Variants in FERMT2 observed in about 807,000 individuals in gnomAD.
The protein encoded by FERMT2 is FERM domain containing kindlin 2.
Under a neutral mutation model 82.7 loss-of-function variants are expected in FERMT2, and 15 were observed. The ratio of observed to expected loss-of-function variants is 0.18; its 90% CI spans 0.12 to 0.28. The LOEUF is 0.28. FERMT2 is among the 10% of genes least tolerant of loss of function. The pLI, the probability that FERMT2 is intolerant of heterozygous loss-of-function variation, is 1.00. For synonymous variants in FERMT2, 274 were observed against 271.5 expected, an observed-to-expected ratio of 1.01 and a Z score of -0.09; for missense variants, 645 against 809.4, an observed-to-expected ratio of 0.80 and a Z score of 2.46.
chr14:52,892,590 G>C (rs772554612), intron 4 of FERMT2, among the ~76,000 whole-genome samples: 5 of 151,828 alleles, frequency 3.3e-5, no homozygotes, highest in Non-Finnish European at 7.4e-5. Context: ...AAGTAGATGG[G>C]ACTACAGGCA....
chr14:52,902,342 G>A (rs866379258), intron 3 of FERMT2, among the ~76,000 whole-genome samples: 6 of 151,440 alleles, frequency 4.0e-5, no homozygotes, highest in African/African-American at 9.7e-5. Context: ...GCAGTGAGCC[G>A]AGATTGCACC....
At chr14:52,921,249 C>T (rs1372896258) in intron 2 of FERMT2, among the ~76,000 whole-genome samples, 3 of 152,158 alleles carry the variant, frequency 2.0e-5, no homozygotes, top group African/African-American at 7.2e-5. Flanking sequence ...AAAAGACTTT[C>T]AATTCTCCAG....
chr14:52,866,136 G>C (rs4901304), intron 10 of FERMT2, among the ~76,000 whole-genome samples: 22,012 of 152,026 alleles, frequency 0.14, 2,002 homozygotes, highest in Non-Finnish European at 0.2. Context: ...AAAAAAACAA[G>C]AAAACTAAAC....
intron 10 of FERMT2, among the ~76,000 whole-genome samples, chr14:52,868,217 T>TG (rs1482519186): frequency 6.8e-6 from 1 of 148,144 alleles, no homozygotes. Flanking sequence ...CTCTAGGCAT[T>TG]TTTTTTTTTT....
intron 2 of FERMT2, among the ~76,000 whole-genome samples, chr14:52,937,503 G>T: frequency 6.6e-6 from 1 of 151,976 alleles, no homozygotes; most frequent in Non-Finnish European, 1.5e-5. Context: ...TATTACTCAC[G>T]ACTCTAAACC....
intron 3 of FERMT2, among the ~76,000 whole-genome samples, chr14:52,916,496 G>A (rs997070067): frequency 2.0e-5 from 3 of 152,184 alleles, no homozygotes; most frequent in African/African-American, 7.2e-5. Flanking sequence ...ATTCTGGAAA[G>A]GGCAAAACTA....
chr14:52,933,653 T>G (rs1889695293), intron 2 of FERMT2, among the ~76,000 whole-genome samples: 1 of 130,154 alleles, frequency 7.7e-6, no homozygotes, highest in African/African-American at 3.0e-5. Flanking sequence ...GAGGTTGTGG[T>G]GAGCCGAGAT....
intron 2 of FERMT2, chr14:52,927,963 A>G (rs777206364): frequency 1.7e-5 from 6 of 356,644 alleles, no homozygotes; most frequent in African/African-American, 4.2e-5. Flanking sequence ...TTGTCAGACT[A>G]AAGAGAAAAA....
At position 52,935,818 on chromosome 14, in the gene FERMT2, A is replaced by T. The variant is rs189234699; in HGVS notation, c.157+14594T>A. Among the ~76,000 whole-genome samples, 8 of 152,382 alleles carry T rather than the reference A, an allele frequency of 5.2e-5. No individual in the cohort carries two copies. In the East Asian group the frequency reaches 1.5e-3, roughly 29 times the overall value. On this transcript the variant is annotated intron_variant, in intron 2 of 14. Coordinates refer to ENST00000341590, the MANE Select transcript of FERMT2 (RefSeq NM_006832.3). ...AAATAAAGAGATCAACTAAGTTTACAAATAGCCTTTTGAAGTTACGAATCT... is the reference window on the plus strand; with the variant it reads ...AAATAAAGAGATCAACTAAGTTTACTAATAGCCTTTTGAAGTTACGAATCT...
chr14:52,918,208 A>T (rs1438839806), intron 3 of FERMT2, among the ~76,000 whole-genome samples: 1 of 152,200 alleles, frequency 6.6e-6, no homozygotes, highest in Admixed American at 6.5e-5. Flanking sequence ...ACAGCTTAAA[A>T]GAATGTATAA....
At chr14:52,912,883 T>C (rs1330121269) in intron 3 of FERMT2, among the ~76,000 whole-genome samples, 3 of 152,218 alleles carry the variant, frequency 2.0e-5, no homozygotes, top group South Asian at 4.1e-4. Context: ...ATCATTTTTT[T>C]CCTCTTATTC....
chr14:52,902,161 G>C (rs1887690416), intron 3 of FERMT2, among the ~76,000 whole-genome samples: 1 of 152,280 alleles, frequency 6.6e-6, no homozygotes, highest in Admixed American at 6.5e-5. Context: ...GGGAGGCCGA[G>C]GTGGGTGGAT....
intron 10 of FERMT2, among the ~76,000 whole-genome samples, chr14:52,866,146 CAGGG>C (rs1885266823): frequency 6.6e-6 from 1 of 152,108 alleles, no homozygotes; most frequent in African/African-American, 2.4e-5. Context: ...GAAAACTAAA[CAGGG>C]AGAGACAAAG....
chr14:52,885,314 A>AAG (rs1886536573), intron 4 of FERMT2, among the ~76,000 whole-genome samples: 1 of 137,632 alleles, frequency 7.3e-6, no homozygotes, highest in Non-Finnish European at 1.5e-5. Context: ...CTTAGTCTCA[A>AAG]AAAAAAAAAA....
At chr14:52,930,040 T>C (rs1889491037) in intron 2 of FERMT2, among the ~76,000 whole-genome samples, 2 of 152,090 alleles carry the variant, frequency 1.3e-5, no homozygotes, top group Non-Finnish European at 2.9e-5. Context: ...TTTTAAACCA[T>C]CAATAAAAGC....
At chr14:52,899,423 C>A (rs936668701) in intron 3 of FERMT2, among the ~76,000 whole-genome samples, 8 of 152,150 alleles carry the variant, frequency 5.3e-5, no homozygotes, top group Non-Finnish European at 1.2e-4. Flanking sequence ...GCTGGGATTG[C>A]GGGCGCCCGC....
intron 3 of FERMT2, among the ~76,000 whole-genome samples, chr14:52,918,491 G>A (rs1888756234): frequency 6.6e-6 from 1 of 152,104 alleles, no homozygotes; most frequent in South Asian, 2.1e-4. Context: ...TAAAATATGA[G>A]AAGTCACTAA....
intron 2 of FERMT2, among the ~76,000 whole-genome samples, chr14:52,949,816 G>A (rs1890537090): frequency 1.3e-5 from 2 of 152,110 alleles, no homozygotes; most frequent in Non-Finnish European, 2.9e-5. Context: ...GCTCGAAACG[G>A]CTTACATCGA....
chr14:52,864,948 T>C (rs1003154442), intron 10 of FERMT2, 95 bp from the exon 11 acceptor site: 136 of 755,252 alleles, frequency 1.8e-4, no homozygotes, highest in African/African-American at 1.6e-3. Flanking sequence ...TCTTAACATG[T>C]TGGATTTTGC....
Sources: allele counts gnomAD v4.1 joint callset (sites outside exome capture counted in the v4.1 genomes callset), GRCh38; gene constraint gnomAD v4.1.1; transcripts MANE v1.5; gene names NCBI Gene and HGNC (gene_info 2026-07-23, HGNC 2026-07-21).